Variants in LPP observed in about 807,000 individuals in gnomAD.
The protein encoded by LPP is lipoma-preferred partner.
In LPP, 38 loss-of-function variants were observed where a neutral mutation model predicts 60.4. The ratio of observed to expected loss-of-function variants is 0.63; its 90% CI spans 0.49 to 0.83. The LOEUF (loss-of-function observed/expected upper bound fraction) is 0.83, where lower values mean the gene tolerates loss of function less well. LPP is among the 40% of genes least tolerant of loss of function. The pLI is 0.00. For missense variants in LPP, 902 were observed against 783.6 expected, an observed-to-expected ratio of 1.15 and a Z score of -1.80; for synonymous variants, 328 against 290.8, an observed-to-expected ratio of 1.13 and a Z score of -1.30.
At chr3:188,819,370 C>T (rs1425397574) in intron 9 of LPP, among the ~76,000 whole-genome samples, 2 of 151,610 alleles carry the variant, frequency 1.3e-5, no homozygotes, top group Non-Finnish European at 2.9e-5. Flanking sequence ...CCATGTGTAC[C>T]CAAGTTTTCG....
intron 2 of LPP, among the ~76,000 whole-genome samples, chr3:188,306,112 A>T (rs1472789530): frequency 1.3e-5 from 2 of 151,284 alleles, no homozygotes; most frequent in Admixed American, 1.3e-4. Flanking sequence ...ACGTAGTCTC[A>T]CTCTTTCACC....
intron 7 of LPP, among the ~76,000 whole-genome samples, chr3:188,669,745 C>T (rs1369441474): frequency 6.6e-6 from 1 of 152,084 alleles, no homozygotes; most frequent in Non-Finnish European, 1.5e-5. Context: ...CCCAGCCATC[C>T]CATTACTGGG....
chr3:188,399,756 C>T (rs539666194), intron 3 of LPP, among the ~76,000 whole-genome samples: 23 of 152,152 alleles, frequency 1.5e-4, no homozygotes, highest in Non-Finnish European at 2.9e-4. Flanking sequence ...GTTTATTGCA[C>T]TGGATGTTGG....
chr3:188,344,010 C>G lies in LPP; in HGVS notation c.-10+2291C>G, dbSNP rs188335603. On this transcript the variant is annotated intron_variant, in intron 3 of 11. Coordinates refer to ENST00000617246, the MANE Select transcript of LPP (RefSeq NM_001375462.1). ...TGTGTTCTCTGTCCCATTTCCAAAC[C>G]AAATCTATTTAAAGCTGCACTCCAC... 1.9e-3 allele frequency among the ~76,000 whole-genome samples: 286 copies of G among 152,252 alleles called. 2 individuals are homozygous for G. The highest frequency in any genetic ancestry group is 1.4e-3 in the Non-Finnish European group (95 of 68,024).
At position 188,495,086 on chromosome 3, in the gene LPP, T is replaced by TTTTTA. The variant is rs1273560340; in HGVS notation, c.306+10382_306+10383insTTTTA. ...ATTTTATATATATATATATATATTT[T>TTTTTA]ATTTATATTTTATTATATATTTTTA... On this transcript the variant is annotated intron_variant, in intron 5 of 11. Transcript: ENST00000617246. Among the ~76,000 whole-genome samples, 36 of 22,534 alleles carry TTTTTA rather than the reference T, an allele frequency of 1.6e-3. 1 individual carries two copies. The highest frequency in any genetic ancestry group is 2.8e-3 in the Admixed American group (4 of 1,408). 14.8% of individuals were successfully genotyped at this position (22,534 alleles called of 152,430 possible). A position where few individuals can be genotyped will look rare whatever the true frequency, so the allele number is the denominator to read the frequency against.
chr3:188,829,111 G>A (rs1056741641), intron 9 of LPP, among the ~76,000 whole-genome samples: 2 of 152,048 alleles, frequency 1.3e-5, no homozygotes, highest in Non-Finnish European at 2.9e-5. Context: ...AGAAACAAAT[G>A]GGATACTGTT....
intron 8 of LPP, among the ~76,000 whole-genome samples, chr3:188,753,915 G>A (rs1729149149): frequency 6.6e-6 from 1 of 152,230 alleles, no homozygotes; most frequent in Non-Finnish European, 1.5e-5. Context: ...CACAAGCACA[G>A]TGACAGAACT....
At chr3:188,695,725 G>A (rs969734257) in intron 7 of LPP, among the ~76,000 whole-genome samples, 6 of 152,160 alleles carry the variant, frequency 3.9e-5, no homozygotes, top group African/African-American at 1.4e-4. Flanking sequence ...TGAAGCCCAC[G>A]CTTTCTCCAT....
At chr3:188,726,888 A>G (rs1718611013) in intron 8 of LPP, among the ~76,000 whole-genome samples, 1 of 152,206 alleles carries the variant, frequency 6.6e-6, no homozygotes, top group East Asian at 1.9e-4. Context: ...AATATCAAAA[A>G]AGGGAGCTTT....
chr3:188,777,618 C>A (rs1738252393), intron 9 of LPP, among the ~76,000 whole-genome samples: 1 of 152,168 alleles, frequency 6.6e-6, no homozygotes, highest in Admixed American at 6.5e-5. Context: ...AGGGTCCTGT[C>A]TTTTCACGTA....
At chr3:188,607,175 C>T (rs1232485772) in intron 6 of LPP, among the ~76,000 whole-genome samples, 3 of 143,790 alleles carry the variant, frequency 2.1e-5, no homozygotes, top group Non-Finnish European at 4.6e-5. Flanking sequence ...ACTATTTAAA[C>T]ATCCTGAAGT....
intron 1 of LPP, among the ~76,000 whole-genome samples, chr3:188,203,578 A>T (rs1270992247): frequency 2.1e-5 from 2 of 96,202 alleles, no homozygotes; most frequent in Non-Finnish European, 3.9e-5. Context: ...TATATATTTA[A>T]ATATATATAT....
At chr3:188,159,562 C>T (rs1717559489) in intron 1 of LPP, among the ~76,000 whole-genome samples, 1 of 152,158 alleles carries the variant, frequency 6.6e-6, no homozygotes. Flanking sequence ...ATTCCCAATG[C>T]CCAGAAGAAT....
intron 5 of LPP, among the ~76,000 whole-genome samples, chr3:188,519,666 C>T (rs937224596): frequency 4.6e-5 from 7 of 151,650 alleles, no homozygotes; most frequent in South Asian, 2.1e-4. Context: ...TGGGGGATGT[C>T]GGGGGGTGGT....
chr3:188,553,567 A>T (rs768564638), intron 6 of LPP, among the ~76,000 whole-genome samples: 1 of 152,198 alleles, frequency 6.6e-6, no homozygotes, highest in Non-Finnish European at 1.5e-5. Context: ...ATCTAATGAA[A>T]GAATTATCCC....
At chr3:188,871,898 CAT>C (rs1004645416) in intron 10 of LPP, among the ~76,000 whole-genome samples, 1 of 152,140 alleles carries the variant, frequency 6.6e-6, no homozygotes, top group African/African-American at 2.4e-5. Flanking sequence ...GCCTCAAAAA[CAT>C]ATGCATATGC....
intron 9 of LPP, among the ~76,000 whole-genome samples, chr3:188,805,949 A>G (rs141491952): frequency 0.018 from 2,702 of 151,896 alleles, 83 homozygotes; most frequent in African/African-American, 0.061. Context: ...TGTTTTGTGT[A>G]ACTTAAATTC....
In LPP at chr3:188,882,074, C is replaced by T; in HGVS notation, c.*7595C>T. The T allele has an allele frequency of 4.8e-6, 1 of 210,002 alleles. No homozygotes were observed. The highest frequency in any genetic ancestry group is 9.7e-6 in the Non-Finnish European group (1 of 103,446). 13.0% of individuals were successfully genotyped at this position (210,002 alleles called of 1,614,324 possible). On this transcript the variant is annotated 3_prime_UTR_variant, in exon 12 of 12. Transcript: ENST00000617246. ...AATAATCACTGTTAGAGAATCAGCC[C>T]CTAAGTAACTTTGATTCTGGCCAAC... is the stretch of plus-strand genomic sequence containing the variant.
Position 188,488,793 on chromosome 3 carries a change from C to T in LPP, c.306+4089C>T, listed in dbSNP as rs943710794. Among the ~76,000 whole-genome samples, 18 of 152,190 alleles carry T rather than the reference C, an allele frequency of 1.2e-4. No individual in the cohort carries two copies. The East Asian group carries it at 1.9e-3, about 16-fold the overall frequency. ...CTGGGACTACAGGCACCCACCACCA[C>T]GCCTGGCTAATTTTTTTGTATTTTC... On this transcript the variant is annotated intron_variant, in intron 5 of 11. Coordinates refer to ENST00000617246, the MANE Select transcript of LPP (RefSeq NM_001375462.1).
Sources: gnomAD v4.1 joint callset for allele counts (sites outside exome capture counted in the v4.1 genomes callset) on GRCh38, gnomAD v4.1.1 for gene constraint, MANE v1.5 for transcripts, NCBI Gene and HGNC (gene_info 2026-07-23, HGNC 2026-07-21) for gene names.